Variants in ABCC6 observed in about 807,000 individuals in gnomAD.
ABCC6 encodes ATP-binding cassette sub-family C member 6.
Under a neutral mutation model 169.5 loss-of-function variants are expected in ABCC6, and 126 were observed. The ratio of observed to expected loss-of-function variants is 0.74; its 90% CI spans 0.64 to 0.86. The LOEUF (loss-of-function observed/expected upper bound fraction) is 0.86, where lower values mean the gene tolerates loss of function less well. Among genes scored for constraint, ABCC6 ranks in the 40% least tolerant of loss-of-function variants. The pLI is 0.00. For synonymous variants in ABCC6, 752 were observed against 814.7 expected, an observed-to-expected ratio of 0.92 and a Z score of 1.31; for missense variants, 1,733 against 1,927.2, an observed-to-expected ratio of 0.90 and a Z score of 1.89.
In ABCC6 at chr16:16,165,809, G is replaced by T. The variant is rs775777175; in HGVS notation, c.3120C>A (p.Pro1040=). The part of the protein sequence containing the change: ...RSPISFFERT[P]IGHLLNRFSK... ...AGAAGCGGTTTAGCAGGTGACCAAT[G>T]GGTGTCCGCTCAAAGAAGCTGATGG... The change falls in exon 23 of 31, where the codon CCC becomes CCA. Residue 1040 remains proline (P), a synonymous_variant. Coordinates refer to ENST00000205557, the MANE Select transcript of ABCC6 (RefSeq NM_001171.6). The T allele has an allele frequency of 3.1e-6, 5 of 1,613,654 alleles. No homozygotes were observed. The Admixed American group carries it at 8.3e-5, about 27-fold the overall frequency.
Position 16,173,285 on chromosome 16 carries a change from C to T in ABCC6, c.2786G>A (p.Arg929Lys). ...GGGGTGGGTGAAGCTGGTGGTTACC[C>T]TGCCGTATTGGATGCTGTCCTTTCC... ...PAGKDSIQYGRVKATVHLAYL... is the reference protein window; with the variant it reads ...PAGKDSIQYGKVKATVHLAYL... The change falls in exon 21 of 31, where the codon AGG (arginine) becomes AAG (lysine). Residue 929 changes from arginine to lysine, a missense_variant and splice_region_variant. Coordinates refer to ENST00000205557, the MANE Select transcript of ABCC6 (RefSeq NM_001171.6). 1 of 1,613,788 alleles carries T rather than the reference C, an allele frequency of 6.2e-7. No individual in the cohort carries two copies. The highest frequency in any genetic ancestry group is 8.5e-7 in the Non-Finnish European group (1 of 1,179,936).
rs752742639 is a variant in ABCC6, at chr16:16,198,190, G to T, written c.1177-8C>A. On this transcript the variant is annotated splice_polypyrimidine_tract_variant and splice_region_variant and intron_variant, in intron 9 of 30. Transcript: ENST00000205557. ...GCTGGACAGAGCCAGGACCTGGCGG[G>T]TGGGCAGAAGGAGAGAAGTAAAGTG... is the stretch of plus-strand genomic sequence containing the variant. The T allele has an allele frequency of 5.7e-6, 9 of 1,582,882 alleles. No homozygotes were observed. The Admixed American group carries it at 1.3e-4, about 23-fold the overall frequency.
chr16:16,201,732 G>A (rs1174219198), intron 9 of ABCC6, among the ~76,000 whole-genome samples: 1 of 152,204 alleles, frequency 6.6e-6, no homozygotes, highest in Non-Finnish European at 1.5e-5. Flanking sequence ...GGAGGCTGAG[G>A]CAGGAGAATC....
At chr16:16,204,627 C>T (rs1354148734) in intron 7 of ABCC6, among the ~76,000 whole-genome samples, 6 of 151,972 alleles carry the variant, frequency 3.9e-5, no homozygotes, top group African/African-American at 1.2e-4. Flanking sequence ...GGGGGAGGCC[C>T]GAGGGCCCCT....
chr16:16,194,195 A>C (rs2047959202), intron 10 of ABCC6, among the ~76,000 whole-genome samples: 1 of 152,208 alleles, frequency 6.6e-6, no homozygotes, highest in Non-Finnish European at 1.5e-5. Flanking sequence ...TGTCTGCAAA[A>C]TGGGAATAGA....
chr16:16,187,052 G>T, intron 14 of ABCC6, 72 bp downstream of exon 14: 3 of 1,340,160 alleles, frequency 2.2e-6, no homozygotes, highest in African/African-American at 1.4e-5. Context: ...ATGCTGGCTT[G>T]CCATTATGGG....
intron 23 of ABCC6, 100 bp downstream of exon 23, chr16:16,165,522 TC>T: frequency 7.6e-7 from 1 of 1,316,610 alleles, no homozygotes; most frequent in Non-Finnish European, 1.1e-6. Flanking sequence ...CCCCTAGATG[TC>T]CAGCTGGGTG....
At chr16:16,156,149 C>T (rs1291866920) in intron 27 of ABCC6, among the ~76,000 whole-genome samples, 1 of 152,164 alleles carries the variant, frequency 6.6e-6, no homozygotes, top group East Asian at 1.9e-4. Flanking sequence ...CTTCTGGCCT[C>T]AAGTGATCTG....
At chr16:16,176,099 T>G in intron 19 of ABCC6, 113 bp from the exon 20 acceptor site, 1 of 1,032,248 alleles carries the variant, frequency 9.7e-7, no homozygotes, top group Non-Finnish European at 1.5e-6. Flanking sequence ...ATCTGGCTCC[T>G]GCCACGTCTC....
At chr16:16,200,690 C>G (rs532999345) in intron 9 of ABCC6, among the ~76,000 whole-genome samples, 1 of 150,314 alleles carries the variant, frequency 6.7e-6, no homozygotes, top group East Asian at 2.0e-4. Context: ...TCTCGGCCAC[C>G]TAGGAGCTGT....
At chr16:16,154,470 G>C (rs1027301157) in intron 29 of ABCC6, among the ~76,000 whole-genome samples, 158 bp downstream of exon 29, 5 of 152,182 alleles carry the variant, frequency 3.3e-5, no homozygotes, top group African/African-American at 1.2e-4. Context: ...TTCAGAGACT[G>C]TGTCAGAGCT....
intron 13 of ABCC6, among the ~76,000 whole-genome samples, chr16:16,188,384 T>TC (rs1290508916): frequency 6.6e-6 from 1 of 151,946 alleles, no homozygotes; most frequent in African/African-American, 2.4e-5. Context: ...AGAGTGAGAC[T>TC]CCATCTCAAA....
rs910923648 is a variant in ABCC6 at position 16,174,769 on chromosome 16, C to G, written c.2666+1142G>C. 1.5e-5 allele frequency among the ~76,000 whole-genome samples: 2 copies of G among 134,606 alleles called. 1 individual carries two copies. The highest frequency in any genetic ancestry group is 5.1e-5 in the African/African-American group (2 of 38,970). The allele number at this position is 134,606 out of a possible 152,430, so 88.3% of individuals were successfully genotyped here. A position where few individuals can be genotyped will look rare whatever the true frequency, so the allele number is the denominator to read the frequency against. Reference sequence around the variant, plus strand: ...AAGATTCTGTCTCAAAACCCCCCCCCGCAAAAAACAAAAAACCTCAGACAC... The same window carrying G: ...AAGATTCTGTCTCAAAACCCCCCCCGGCAAAAAACAAAAAACCTCAGACAC... On this transcript the variant is annotated intron_variant, in intron 20 of 30. Coordinates refer to ENST00000205557, the MANE Select transcript of ABCC6 (RefSeq NM_001171.6).
intron 15 of ABCC6, among the ~76,000 whole-genome samples, 180 bp from the exon 16 acceptor site, chr16:16,183,110 T>C (rs1226917817): frequency 6.6e-6 from 1 of 152,186 alleles, no homozygotes; most frequent in East Asian, 1.9e-4. Flanking sequence ...TGCACATCTG[T>C]GCATGTACAC....
chr16:16,221,589 G>A (rs1328935489), intron 2 of ABCC6, 60 bp downstream of exon 2: 5 of 1,589,634 alleles, frequency 3.1e-6, no homozygotes, highest in Non-Finnish European at 4.3e-6. Flanking sequence ...CCAGGTTCCA[G>A]CCTGTCCCCT....
intron 27 of ABCC6, among the ~76,000 whole-genome samples, chr16:16,156,799 C>G (rs531550919): frequency 6.6e-6 from 1 of 151,576 alleles, no homozygotes; most frequent in Admixed American, 6.6e-5. Context: ...AAAAATTAGC[C>G]GGGTGTGGTG....
At chr16:16,206,509 G>C (rs1262382564) in intron 7 of ABCC6, among the ~76,000 whole-genome samples, 2 of 151,818 alleles carry the variant, frequency 1.3e-5, no homozygotes, top group Non-Finnish European at 2.9e-5. Context: ...TGGACCAGCA[G>C]GTGGCTGTTG....
At chr16:16,199,870 T>G (rs540010111) in intron 9 of ABCC6, among the ~76,000 whole-genome samples, 1 of 147,064 alleles carries the variant, frequency 6.8e-6, no homozygotes, top group Non-Finnish European at 1.5e-5. Flanking sequence ...GAGTTCGAGA[T>G]CAGCCTGGCC....
chr16:16,165,955 G>C, intron 22 of ABCC6, 22 bp from the exon 23 acceptor site: 1 of 1,610,690 alleles, frequency 6.2e-7, no homozygotes, highest in South Asian at 1.1e-5. Context: ...GAGGAGGTAA[G>C]AGCATGAGGG....
Sources: allele counts gnomAD v4.1 joint callset (sites outside exome capture counted in the v4.1 genomes callset), GRCh38; gene constraint gnomAD v4.1.1; transcripts MANE v1.5; gene names NCBI Gene and HGNC (gene_info 2026-07-23, HGNC 2026-07-21).